The following LOC400499 variants were observed in gnomAD, a reference collection of about 807,000 sequenced individuals.
chr16:11,446,467 T>C, the LOC400499 span: 2 of 1,293,906 alleles, frequency 1.5e-6, no homozygotes, highest in Non-Finnish European at 2.2e-6. Context: ...CCAGATAACA[T>C]GTTTTCAATC....
the LOC400499 span, among the ~76,000 whole-genome samples, chr16:11,437,630 G>A: frequency 1.3e-5 from 2 of 152,192 alleles, no homozygotes; most frequent in African/African-American, 4.8e-5. Flanking sequence ...AACTTTGGAA[G>A]GCTGGGGCAG....
the LOC400499 span, among the ~76,000 whole-genome samples, chr16:11,522,298 A>G: frequency 6.6e-6 from 1 of 152,176 alleles, no homozygotes; most frequent in Admixed American, 6.5e-5. Flanking sequence ...GAAAATAAAG[A>G]TAATAACAGT....
chr16:11,476,161 G>T, the LOC400499 span, among the ~76,000 whole-genome samples: 2 of 149,930 alleles, frequency 1.3e-5, no homozygotes, highest in African/African-American at 5.0e-5. Context: ...GATAGAGGGG[G>T]ACGGTGAGTG....
At chr16:11,458,914 G>A in the LOC400499 span, among the ~76,000 whole-genome samples, 13 of 151,814 alleles carry the variant, frequency 8.6e-5, no homozygotes, top group East Asian at 2.4e-3. Context: ...GCAGGCACCT[G>A]TAATCCCAAC....
At chr16:11,472,601 C>G in the LOC400499 span, 1 of 152,336 alleles carries the variant, frequency 6.6e-6, no homozygotes, top group Non-Finnish European at 1.5e-5. Context: ...AGCTGTGTGA[C>G]CTTGGACAAA....
chr16:11,384,217 T>C, the LOC400499 span: 3 of 1,231,646 alleles, frequency 2.4e-6, no homozygotes, highest in Non-Finnish European at 3.0e-6. Flanking sequence ...CCCGCTCACC[T>C]GCCAGGCCAG....
the LOC400499 span, among the ~76,000 whole-genome samples, chr16:11,388,750 C>A: frequency 6.6e-6 from 1 of 152,206 alleles, no homozygotes; most frequent in South Asian, 2.1e-4. Flanking sequence ...AACTCCCAGT[C>A]ACATCCACTC....
chr16:11,403,152 G>A, the LOC400499 span, among the ~76,000 whole-genome samples: 2,175 of 152,242 alleles, frequency 0.014, 61 homozygotes, highest in African/African-American at 0.048. Context: ...GCAGGAGGCT[G>A]CCCGAGGCCC....
the LOC400499 span, among the ~76,000 whole-genome samples, chr16:11,486,276 TGG>T: frequency 8.1e-6 from 1 of 123,296 alleles, no homozygotes; most frequent in Non-Finnish European, 1.6e-5. Context: ...GATGGAGGGA[TGG>T]ATGGATGGAT....
chr16:11,424,406 A>G, the LOC400499 span: 3 of 399,142 alleles, frequency 7.5e-6, no homozygotes, highest in Non-Finnish European at 1.3e-5. Context: ...ACCCCAGTCC[A>G]CCGCATTTAG....
the LOC400499 span, among the ~76,000 whole-genome samples, chr16:11,397,785 G>GGATGGATGGATGGAT: frequency 1.1e-4 from 13 of 123,154 alleles, no homozygotes; most frequent in African/African-American, 3.5e-4. Context: ...GAGGGAGGGA[G>GGATGGATGGATGGAT]GGAGGGAGGG....
the LOC400499 span, chr16:11,515,875 AGCCCAGCCCAGCCCAGCCTAGCCCAG>A: frequency 1.4e-4 from 2 of 14,028 alleles, no homozygotes; most frequent in Non-Finnish European, 2.1e-4. Flanking sequence ...AGCCCAGCCC[AGCCCAGCCCAGCCCAGCCTAGCCCAG>A]CCCAGCCCAG....
chr16:11,383,378 TTTTTAAACAACC>T, the LOC400499 span, among the ~76,000 whole-genome samples: 1 of 152,212 alleles, frequency 6.6e-6, no homozygotes, highest in Non-Finnish European at 1.5e-5. Context: ...TGCCAGCTTC[TTTTTAAACAACC>T]TGCTCTCATG....
the LOC400499 span, among the ~76,000 whole-genome samples, chr16:11,514,193 A>G: frequency 2.0e-5 from 3 of 152,068 alleles, no homozygotes; most frequent in African/African-American, 7.2e-5. Context: ...GAGCCTGGAG[A>G]ACCTTCTAGA....
chr16:11,477,166 A>T, the LOC400499 span, among the ~76,000 whole-genome samples: 1 of 152,216 alleles, frequency 6.6e-6, no homozygotes, highest in Non-Finnish European at 1.5e-5. Flanking sequence ...AGGTGAAAGC[A>T]CCTGCCTGGG....
the LOC400499 span, among the ~76,000 whole-genome samples, chr16:11,390,744 G>A: frequency 0.1 from 15,738 of 152,206 alleles, 867 homozygotes; most frequent in African/African-American, 0.14. Flanking sequence ...CCCTGCATCT[G>A]AACTGTTTGT....
the LOC400499 span, chr16:11,387,390 G>A: frequency 7.0e-6 from 7 of 996,654 alleles, no homozygotes; most frequent in Non-Finnish European, 7.8e-6. Flanking sequence ...GAAGAGCTCT[G>A]CAGTGGAGAG....
the LOC400499 span, chr16:11,508,794 C>T: frequency 5.0e-6 from 2 of 398,980 alleles, no homozygotes; most frequent in African/African-American, 4.1e-5. Flanking sequence ...GGGATGGTGT[C>T]TCCTCCCACT....
chr16:11,417,041 T>G, the LOC400499 span, among the ~76,000 whole-genome samples: 1 of 152,110 alleles, frequency 6.6e-6, no homozygotes, highest in African/African-American at 2.4e-5. Context: ...CAGTGCTGGC[T>G]CCTCTTGTTG....
Sources: allele counts gnomAD v4.1 joint callset (sites outside exome capture counted in the v4.1 genomes callset), GRCh38; gene constraint gnomAD v4.1.1; transcripts MANE v1.5.